Variants in LYPD6B observed in about 807,000 individuals in gnomAD.
LYPD6B encodes the protein LY6/PLAUR domain containing 6B, also known as ly6/PLAUR domain-containing protein 6B.
Under a neutral mutation model 22.8 loss-of-function variants are expected in LYPD6B, and 17 were observed. The observed-to-expected ratio is 0.75, with a 90% CI of 0.51 to 1.12. The LOEUF (loss-of-function observed/expected upper bound fraction) is 1.12. Ranked by LOEUF, LYPD6B falls within the 50% of genes most tolerant of loss-of-function variation. The pLI, the probability that LYPD6B is intolerant of heterozygous loss-of-function variation, is 0.00. For missense variants in LYPD6B, 221 were observed against 258.3 expected (o/e 0.86, Z 0.99); for synonymous variants, 106 against 91.6 (o/e 1.16, Z -0.90).
chr2:149,071,346 A>C (rs770943257), intron 1 of LYPD6B, among the ~76,000 whole-genome samples: 4 of 152,206 alleles, frequency 2.6e-5, no homozygotes, highest in Admixed American at 6.5e-5. Context: ...TTTGCATACC[A>C]GGTCAGTCCT....
intron 1 of LYPD6B, among the ~76,000 whole-genome samples, chr2:149,119,394 A>G (rs959152328): frequency 2.6e-5 from 4 of 152,266 alleles, no homozygotes; most frequent in African/African-American, 9.6e-5. Flanking sequence ...ATATGATATC[A>G]TAATTGTCTT....
chr2:149,149,819 TC>T (rs1428583708), intron 2 of LYPD6B, among the ~76,000 whole-genome samples: 1 of 152,164 alleles, frequency 6.6e-6, no homozygotes, highest in African/African-American at 2.4e-5. Context: ...CCATGCAACC[TC>T]TAAAGGGCAT....
At chr2:149,211,351 G>T (rs1007212973) in intron 5 of LYPD6B, among the ~76,000 whole-genome samples, 1 of 152,140 alleles carries the variant, frequency 6.6e-6, no homozygotes, top group Admixed American at 6.5e-5. Flanking sequence ...CTGGTTAAGA[G>T]TGCAAGCCCT....
chr2:149,121,673 G>T (rs115629670), intron 1 of LYPD6B, among the ~76,000 whole-genome samples: 3 of 152,284 alleles, frequency 2.0e-5, no homozygotes, highest in African/African-American at 7.2e-5. Context: ...CTGAAGGGGT[G>T]GTAGAAGGAA....
chr2:149,178,301 C>T (rs1282607442), intron 3 of LYPD6B, among the ~76,000 whole-genome samples: 1 of 152,098 alleles, frequency 6.6e-6, no homozygotes, highest in East Asian at 1.9e-4. Context: ...AATGTCAGGG[C>T]TTTCATATTT....
chr2:149,120,784 C>CTTTTTTTTTTT lies in LYPD6B; in HGVS notation c.-66-10088_-66-10078dup, dbSNP rs567231544. Reference sequence around the variant, plus strand: ...ATTTTTTGCTACTATGCTACAAAGTCTTTTTTTTTTTTTTTTTTTTTGTGA... The same window carrying CTTTTTTTTTTT: ...ATTTTTTGCTACTATGCTACAAAGTCTTTTTTTTTTTTTTTTTTTTTTTTTTTTTTTTGTGA... On this transcript the variant is annotated intron_variant, in intron 1 of 6. Transcript: ENST00000409642. Among the ~76,000 whole-genome samples, 23 of 95,554 alleles carry CTTTTTTTTTTT rather than the reference C, an allele frequency of 2.4e-4. 2 individuals carry two copies. The highest frequency in any genetic ancestry group is 6.6e-4 in the African/African-American group (14 of 21,256). The allele number at this position is 95,554 out of a possible 152,430, so 62.7% of individuals were successfully genotyped here. A position where few individuals can be genotyped will look rare whatever the true frequency, so the allele number is the denominator to read the frequency against.
At chr2:149,072,103 T>C (rs549461023) in intron 1 of LYPD6B, among the ~76,000 whole-genome samples, 1 of 152,332 alleles carries the variant, frequency 6.6e-6, no homozygotes, top group East Asian at 1.9e-4. Context: ...GGCTAATTTT[T>C]GTATTTTTGG....
At chr2:149,169,409 G>A (rs528279244) in intron 3 of LYPD6B, among the ~76,000 whole-genome samples, 1 of 152,304 alleles carries the variant, frequency 6.6e-6, no homozygotes, top group South Asian at 2.1e-4. Flanking sequence ...ATTGGAGCAT[G>A]ACTTTGAAGG....
chr2:149,189,376 A>G (rs1354079047), intron 3 of LYPD6B, among the ~76,000 whole-genome samples: 1 of 143,960 alleles, frequency 6.9e-6, no homozygotes, highest in Admixed American at 6.9e-5. Flanking sequence ...ATACACACAC[A>G]TATGTATATA....
intron 1 of LYPD6B, among the ~76,000 whole-genome samples, chr2:149,056,677 A>G (rs573232876): frequency 2.6e-5 from 4 of 152,168 alleles, no homozygotes; most frequent in South Asian, 4.2e-4. Flanking sequence ...CATACATACA[A>G]CATCCTCTGT....
chr2:149,183,622 G>A (rs905024511), intron 3 of LYPD6B, among the ~76,000 whole-genome samples: 1 of 152,076 alleles, frequency 6.6e-6, no homozygotes, highest in African/African-American at 2.4e-5. Flanking sequence ...ATGTAGTAGA[G>A]TTAGTAATGC....
chr2:149,129,383 T>C (rs7600157), intron 1 of LYPD6B, among the ~76,000 whole-genome samples: 132,267 of 152,204 alleles, frequency 0.87, 57,754 homozygotes, highest in South Asian at 0.93. Flanking sequence ...TAAAACACTT[T>C]GGACAAATGC....
intron 1 of LYPD6B, among the ~76,000 whole-genome samples, chr2:149,112,213 T>C (rs535971924): frequency 6.6e-6 from 1 of 152,100 alleles, no homozygotes; most frequent in African/African-American, 2.4e-5. Flanking sequence ...TTAGAGGAGA[T>C]ATGAAAAAAA....
intron 3 of LYPD6B, among the ~76,000 whole-genome samples, chr2:149,179,365 T>C (rs1691548480): frequency 6.6e-6 from 1 of 152,244 alleles, no homozygotes; most frequent in African/African-American, 2.4e-5. Flanking sequence ...GCAGTGCCGA[T>C]GACGATGATA....
At chr2:149,119,721 G>A (rs1464923457) in intron 1 of LYPD6B, among the ~76,000 whole-genome samples, 1 of 152,200 alleles carries the variant, frequency 6.6e-6, no homozygotes, top group Non-Finnish European at 1.5e-5. Flanking sequence ...CTTTAAGGAG[G>A]AGCATGAAAC....
chr2:149,137,519 A>G (rs1208709063), intron 2 of LYPD6B, among the ~76,000 whole-genome samples: 3 of 152,260 alleles, frequency 2.0e-5, no homozygotes, highest in Non-Finnish European at 4.4e-5. Flanking sequence ...TTTGTCTGGA[A>G]TATAAATTCA....
intron 1 of LYPD6B, among the ~76,000 whole-genome samples, chr2:149,051,269 C>T (rs1463003054): frequency 2.0e-5 from 3 of 151,764 alleles, no homozygotes; most frequent in African/African-American, 4.8e-5. Context: ...GGGTTCACAC[C>T]GTTCTCCTGC....
At chr2:149,182,181 A>G (rs1011742761) in intron 3 of LYPD6B, among the ~76,000 whole-genome samples, 3 of 152,226 alleles carry the variant, frequency 2.0e-5, no homozygotes, top group African/African-American at 7.2e-5. Context: ...ATAGTAAGGT[A>G]TGTATGAGGT....
At position 149,099,540 on chromosome 2, in the gene LYPD6B, C is replaced by A. The variant is rs143410811; in HGVS notation, c.-66-31343C>A. Among the ~76,000 whole-genome samples, 173 of 152,058 alleles carry A rather than the reference C, an allele frequency of 1.1e-3. 1 individual carries two copies. The highest frequency in any genetic ancestry group is 4.0e-3 in the African/African-American group (164 of 41,500). On this transcript the variant is annotated intron_variant, in intron 1 of 6. Coordinates refer to ENST00000409642, the MANE Select transcript of LYPD6B (RefSeq NM_177964.5). ...TGTTCTGAGATCCTCATGCCTGGAA[C>A]CCAGTGGAACTCTAAGACTGTCAAA...
Sources: gnomAD v4.1 joint callset for allele counts (sites outside exome capture counted in the v4.1 genomes callset) on GRCh38, gnomAD v4.1.1 for gene constraint, MANE v1.5 for transcripts, NCBI Gene and HGNC (gene_info 2026-07-23, HGNC 2026-07-21) for gene names.